Variants in CR1L observed in about 807,000 individuals in gnomAD.
The protein encoded by CR1L is complement C3b/C4b receptor 1 like, also known as complement component receptor 1-like protein.
A neutral mutation model predicts 62.3 loss-of-function variants in CR1L; 59 were observed. That is an observed-to-expected ratio of 0.95 (90% CI 0.77 to 1.18). The LOEUF (loss-of-function observed/expected upper bound fraction) is 1.18, where lower values mean the gene tolerates loss of function less well. Among genes scored for constraint, CR1L ranks in the 50% most tolerant of loss-of-function variants. CR1L has a pLI of 0.00. For synonymous variants in CR1L, 279 were observed against 248.7 expected, an observed-to-expected ratio of 1.12 and a Z score of -1.15; for missense variants, 700 against 702.8, an observed-to-expected ratio of 1.00 and a Z score of 0.04.
chr1:207,671,181 A>T (rs1483710995), intron 1 of CR1L, among the ~76,000 whole-genome samples: 2 of 150,834 alleles, frequency 1.3e-5, no homozygotes, highest in African/African-American at 5.0e-5. Flanking sequence ...TTTCTGAGAG[A>T]GGTATTTTGA....
At chr1:207,686,900 C>T (rs1365271341) in intron 4 of CR1L, among the ~76,000 whole-genome samples, 1 of 152,162 alleles carries the variant, frequency 6.6e-6, no homozygotes, top group African/African-American at 2.4e-5. Context: ...AGCTCCTTTG[C>T]CCCTCCTGCC....
rs1395032608 is a variant in CR1L at position 207,669,933 on chromosome 1, C to T, written c.98-7456C>T. Among the ~76,000 whole-genome samples, 3 of 151,104 alleles carry T rather than the reference C, an allele frequency of 2.0e-5. No individual in the cohort carries two copies. The East Asian group carries it at 5.8e-4, about 29-fold the overall frequency. On this transcript the variant is annotated intron_variant, in intron 1 of 11. Coordinates refer to ENST00000508064, the MANE Select transcript of CR1L (RefSeq NM_175710.2). ...CCTAGCGAAACGGGACTTGGGGATC[C>T]GACAAACCTGAGTTCTGGTCCTAGA...
intron 10 of CR1L, among the ~76,000 whole-genome samples, chr1:207,709,834 A>AC (rs1400025718): frequency 6.7e-6 from 1 of 148,702 alleles, no homozygotes; most frequent in African/African-American, 2.4e-5. Context: ...CTCTGTCTCA[A>AC]AAAAAAAAAA....
intron 1 of CR1L, among the ~76,000 whole-genome samples, chr1:207,666,141 G>C (rs1045799365): frequency 2.0e-5 from 3 of 152,132 alleles, no homozygotes; most frequent in African/African-American, 7.2e-5. Flanking sequence ...TTGATATTTA[G>C]AGTTACTCCG....
intron 1 of CR1L, among the ~76,000 whole-genome samples, chr1:207,662,731 T>A (rs1427282130): frequency 2.0e-5 from 3 of 152,238 alleles, no homozygotes; most frequent in Non-Finnish European, 4.4e-5. Context: ...CTCTGATTTT[T>A]AGTGTTTCCA....
intron 8 of CR1L, 26 bp downstream of exon 8, chr1:207,699,300 G>A: frequency 6.2e-7 from 1 of 1,612,884 alleles, no homozygotes; most frequent in Non-Finnish European, 8.5e-7. Flanking sequence ...AACATTTCAG[G>A]CCAATCTCTC....
rs541937371 is a variant in CR1L, at chr1:207,692,989, T to G, written c.464-1364T>G. Among the ~76,000 whole-genome samples, 17 of 152,362 alleles carry G rather than the reference T, an allele frequency of 1.1e-4. No homozygotes were observed. In the South Asian group the frequency reaches 3.1e-3, roughly 28 times the overall value. On this transcript the variant is annotated intron_variant, in intron 4 of 11. Coordinates refer to ENST00000508064, the MANE Select transcript of CR1L (RefSeq NM_175710.2). Reference sequence around the variant, plus strand: ...CTCTTTGGCATTTTTGTATTGTAGATCTTCTGACAACAAATTCTTTAAACA... The same window carrying G: ...CTCTTTGGCATTTTTGTATTGTAGAGCTTCTGACAACAAATTCTTTAAACA...
chr1:207,647,819 T>G (rs1258350747), intron 1 of CR1L, among the ~76,000 whole-genome samples: 2 of 152,158 alleles, frequency 1.3e-5, no homozygotes, highest in Non-Finnish European at 2.9e-5. Context: ...ACTTCAGTCT[T>G]GCATCTCACT....
intron 3 of CR1L, among the ~76,000 whole-genome samples, chr1:207,680,420 T>C (rs1296674871): frequency 6.6e-6 from 1 of 152,186 alleles, no homozygotes; most frequent in African/African-American, 2.4e-5. Context: ...TATCTTGAGT[T>C]TGATGTTGCA....
intron 8 of CR1L, among the ~76,000 whole-genome samples, chr1:207,699,490 A>C (rs41308433): frequency 0.15 from 23,577 of 152,194 alleles, 2,427 homozygotes; most frequent in Admixed American, 0.31. Context: ...TCTATGTTCT[A>C]TTGCGATAAA....
At chr1:207,645,473 C>G (rs901175916) in intron 1 of CR1L, 143 bp downstream of exon 1, 17 of 909,176 alleles carry the variant, frequency 1.9e-5, no homozygotes, top group Non-Finnish European at 1.7e-5. Flanking sequence ...CGAGGGGTGC[C>G]GTGCTCAGAT....
At chr1:207,713,037 G>A (rs112778640) in intron 10 of CR1L, among the ~76,000 whole-genome samples, 1 of 152,076 alleles carries the variant, frequency 6.6e-6, no homozygotes, top group African/African-American at 2.4e-5. Flanking sequence ...TAGATAAGAA[G>A]TACCCAGAGA....
chr1:207,685,487 G>C (rs1426651199), intron 4 of CR1L, among the ~76,000 whole-genome samples: 15 of 152,136 alleles, frequency 9.9e-5, no homozygotes. Flanking sequence ...CGGTTTTAGA[G>C]ACTCCATGAT....
At chr1:207,693,439 A>C (rs1342960591) in intron 4 of CR1L, among the ~76,000 whole-genome samples, 1 of 152,154 alleles carries the variant, frequency 6.6e-6, no homozygotes, top group Non-Finnish European at 1.5e-5. Flanking sequence ...TTGAATCTGT[A>C]ATCTTGCATC....
At chr1:207,695,652 CT>C (rs1664067513) in intron 5 of CR1L, among the ~76,000 whole-genome samples, 1 of 152,166 alleles carries the variant, frequency 6.6e-6, no homozygotes, top group Non-Finnish European at 1.5e-5. Flanking sequence ...AAAGAACTAC[CT>C]GAGACTGGGT....
chr1:207,706,860 C>A (rs918484384), intron 9 of CR1L, among the ~76,000 whole-genome samples: 17 of 151,948 alleles, frequency 1.1e-4, no homozygotes, highest in Non-Finnish European at 1.2e-4. Flanking sequence ...ACAACAACAA[C>A]AAAAAACCAT....
Position 207,697,687 on chromosome 1 carries a change from G to T in CR1L, c.1039+8G>T, listed in dbSNP as rs1260326312. The T allele has an allele frequency of 1.2e-6, 2 of 1,614,008 alleles. No homozygotes were observed. Among genetic ancestry groups the T allele is most frequent in the Admixed American group, 1.7e-5 (1 of 60,022 alleles). On this transcript the variant is annotated splice_region_variant and intron_variant, in intron 6 of 11. Transcript: ENST00000508064. ...CAGCCCCCAGATGTGAAGGTGACTA[G>T]ACTCTTATCTGGCTTGGTATTTTTA...
chr1:207,686,070 TCCTTTCTCCCTC>T lies in CR1L; in HGVS notation c.463+2118_463+2129del, dbSNP rs1245887571. Among the ~76,000 whole-genome samples, 557 of 86,754 alleles carry T rather than the reference TCCTTTCTCCCTC, an allele frequency of 6.4e-3. 14 individuals carry two copies. The highest frequency in any genetic ancestry group is 0.014 in the South Asian group (28 of 1,932). The allele number at this position is 86,754 out of a possible 152,430, so 56.9% of individuals were successfully genotyped here. On this transcript the variant is annotated intron_variant, in intron 4 of 11. Transcript: ENST00000508064. ...TGCCTTCCTTCTTTGCTTGCTTCCT[TCCTTTCTCCCTC>T]CCTTCCTCCCTCCTTTCCTTCCTTC...
chr1:207,656,669 GA>G lies in CR1L; in HGVS notation c.97+11340del, dbSNP rs1160749633. 2.6e-5 allele frequency among the ~76,000 whole-genome samples: 4 copies of G among 152,274 alleles called. No homozygotes were observed. In the South Asian group the frequency reaches 8.3e-4, roughly 32 times the overall value. ...GGGAGCAAGGTGTCTCACATGGCAG[GA>G]GCAGGAGCAAGGTGGGGAGGACGGG... On this transcript the variant is annotated intron_variant, in intron 1 of 11. Coordinates refer to ENST00000508064, the MANE Select transcript of CR1L (RefSeq NM_175710.2).
Sources: gnomAD v4.1 joint callset for allele counts (sites outside exome capture counted in the v4.1 genomes callset) on GRCh38, gnomAD v4.1.1 for gene constraint, MANE v1.5 for transcripts, NCBI Gene and HGNC (gene_info 2026-07-23, HGNC 2026-07-21) for gene names.